Variants in SLC5A10 observed in about 807,000 individuals in gnomAD.
The protein encoded by SLC5A10 is solute carrier family 5 member 10.
SLC5A10 carries 55 observed loss-of-function variants against 68.9 expected under a neutral mutation model. The observed-to-expected ratio is 0.80, with a 90% CI of 0.64 to 1.00. The LOEUF is 1.00. SLC5A10 is among the 50% of genes least tolerant of loss of function. The probability of loss-of-function intolerance (pLI) is 0.00; values close to 1 mark genes in which losing one functional copy is unlikely to be tolerated. For synonymous variants in SLC5A10, 344 were observed against 344.8 expected, an observed-to-expected ratio of 1.00 and a Z score of 0.02; for missense variants, 732 against 819.3, an observed-to-expected ratio of 0.89 and a Z score of 1.30.
Position 18,978,504 on chromosome 17 carries a change from G to A in SLC5A10, c.982+1515G>A, listed in dbSNP as rs2043043388. 5 of 1,613,170 alleles carry A rather than the reference G, an allele frequency of 3.1e-6. 1 individual carries two copies. In the East Asian group the frequency reaches 8.9e-5, roughly 29 times the overall value. On this transcript the variant is annotated intron_variant, in intron 9 of 14. Transcript: ENST00000395645. ...TGGATGGGTGGCAGCAGCTCGGGGAGTTCCCCTGGATGCTCAGCCAGCGCT... is the reference window on the plus strand; with the variant it reads ...TGGATGGGTGGCAGCAGCTCGGGGAATTCCCCTGGATGCTCAGCCAGCGCT...
chr17:18,982,550 ATAAG>A (rs1438798915), intron 9 of SLC5A10, among the ~76,000 whole-genome samples: 1 of 152,202 alleles, frequency 6.6e-6, no homozygotes, highest in East Asian at 1.9e-4. Flanking sequence ...CAGTTTCCTC[ATAAG>A]TAAGAGAGGA....
At chr17:18,958,826 C>T (rs1404327799) in intron 2 of SLC5A10, 73 bp downstream of exon 2, 35 of 1,542,550 alleles carry the variant, frequency 2.3e-5, no homozygotes, top group Non-Finnish European at 2.8e-5. Flanking sequence ...GGTCACCTGG[C>T]ATCTGTATCT....
intron 9 of SLC5A10, among the ~76,000 whole-genome samples, chr17:19,006,095 T>C (rs1256494613): frequency 6.6e-6 from 1 of 152,190 alleles, no homozygotes; most frequent in East Asian, 1.9e-4. Flanking sequence ...CCAACACTTC[T>C]GCAGTTGATG....
Position 19,003,858 on chromosome 17 carries a change from G to A in SLC5A10, c.983-9552G>A. On this transcript the variant is annotated intron_variant, in intron 9 of 14. Transcript: ENST00000395645. This position sits in a 1 kb window ranked among gnomAD's most constrained non-coding sequence, Gnocchi z 4.5. Reference sequence around the variant, plus strand: ...GTCTCCAGGATGCGCTTGAGCTCCAGCTCCGAGAGGAAGTCTCGGATGTTC... The same window carrying A: ...GTCTCCAGGATGCGCTTGAGCTCCAACTCCGAGAGGAAGTCTCGGATGTTC... 6.2e-7 allele frequency: 1 copy of A among 1,613,072 alleles called. No homozygotes were observed. Among genetic ancestry groups the A allele is most frequent in the Non-Finnish European group, 8.5e-7 (1 of 1,179,936 alleles).
At chr17:18,992,266 G>C (rs1490418553) in intron 9 of SLC5A10, among the ~76,000 whole-genome samples, 1 of 152,132 alleles carries the variant, frequency 6.6e-6, no homozygotes, top group Admixed American at 6.5e-5. Flanking sequence ...CTGTGTCCTT[G>C]GGACAGGGGG....
chr17:19,016,860 C>A (rs1032496970), intron 11 of SLC5A10, among the ~76,000 whole-genome samples: 1 of 152,194 alleles, frequency 6.6e-6, no homozygotes, highest in Non-Finnish European at 1.5e-5. Flanking sequence ...CTCTAAGCCC[C>A]TCCATGCTCC....
At chr17:18,958,819 C>A in intron 2 of SLC5A10, 66 bp downstream of exon 2, 1 of 1,557,322 alleles carries the variant, frequency 6.4e-7, no homozygotes, top group South Asian at 1.1e-5. Context: ...ATCTCTAGGT[C>A]ACCTGGCATC....
chr17:18,964,099 C>T (rs1055234012), intron 5 of SLC5A10, among the ~76,000 whole-genome samples: 52 of 152,342 alleles, frequency 3.4e-4, no homozygotes, highest in African/African-American at 1.1e-3. Context: ...TCCACTCTCT[C>T]CATCTTCACC....
Position 18,952,380 on chromosome 17 carries a change from C to T in SLC5A10, c.111+64C>T, listed in dbSNP as rs1013772030. The T allele has an allele frequency of 8.3e-5, 128 of 1,545,258 alleles. No homozygotes were observed. The Middle Eastern group carries it at 1.3e-3, about 16-fold the overall frequency. ...CAGGGTTGGTGCTTGGGGTGGGAACCGGGGTCCAGCATGTCCCTGTGGTGT... is the reference window on the plus strand; with the variant it reads ...CAGGGTTGGTGCTTGGGGTGGGAACTGGGGTCCAGCATGTCCCTGTGGTGT... On this transcript the variant is annotated intron_variant, in intron 1 of 14. Coordinates refer to ENST00000395645, the MANE Select transcript of SLC5A10 (RefSeq NM_001042450.4).
In SLC5A10 at chr17:19,003,530, T is replaced by C. The variant is rs751796720; in HGVS notation, c.983-9880T>C. ...CCCGCGCTGCCTCACCTTCTGTGCCTGGCTGATCATCTTCCGCACCACCTC... is the reference window on the plus strand; with the variant it reads ...CCCGCGCTGCCTCACCTTCTGTGCCCGGCTGATCATCTTCCGCACCACCTC... On this transcript the variant is annotated intron_variant, in intron 9 of 14. Transcript: ENST00000395645. This position sits in a 1 kb window ranked among gnomAD's most constrained non-coding sequence, Gnocchi z 4.5. 6.5e-7 allele frequency: 1 copy of C among 1,537,154 alleles called. No individual in the cohort carries two copies. The highest frequency in any genetic ancestry group is 8.8e-7 in the Non-Finnish European group (1 of 1,141,080).
chr17:19,017,553 A>G lies in SLC5A10; in HGVS notation c.1242-1870A>G, dbSNP rs1597917033. 2 of 674,278 alleles carry G rather than the reference A, an allele frequency of 3.0e-6. No homozygotes were observed. The highest frequency in any genetic ancestry group is 5.0e-6 in the Non-Finnish European group (2 of 399,462). The allele number at this position is 674,278 out of a possible 1,614,324, so 41.8% of individuals were successfully genotyped here. ...CTCTGTCCAGCTGAGCAGAGGCTGG[A>G]GGAGCCGTCACAGGCTGGGGGAGAG... is the stretch of plus-strand genomic sequence containing the variant. On this transcript the variant is annotated intron_variant, in intron 11 of 14. Transcript: ENST00000395645. This position sits in a 1 kb window ranked among gnomAD's most constrained non-coding sequence, Gnocchi z 5.6.
chr17:18,973,822 C>G (rs1419514298), intron 8 of SLC5A10, among the ~76,000 whole-genome samples: 1 of 149,994 alleles, frequency 6.7e-6, no homozygotes, highest in Non-Finnish European at 1.5e-5. Context: ...CTCAGCCACC[C>G]AGGTAGCTGG....
chr17:18,978,930 G>C, intron 9 of SLC5A10: 1 of 1,514,932 alleles, frequency 6.6e-7, no homozygotes, highest in Non-Finnish European at 9.0e-7. Flanking sequence ...ATAGCCGCTG[G>C]GCCTCAGACT....
At chr17:18,960,783 G>A (rs920603065) in intron 5 of SLC5A10, 131 bp downstream of exon 5, 8 of 916,728 alleles carry the variant, frequency 8.7e-6, no homozygotes, top group African/African-American at 8.2e-5. Context: ...GGCCCAGAGA[G>A]GGGCAATGAC....
At chr17:18,999,920 C>T (rs558266016) in intron 9 of SLC5A10, among the ~76,000 whole-genome samples, 1 of 152,346 alleles carries the variant, frequency 6.6e-6, no homozygotes, top group South Asian at 2.1e-4. Context: ...AGGGATCCTG[C>T]TAAGGCCCCC....
Position 19,015,071 on chromosome 17 carries a change from A to C in SLC5A10, c.1113A>C (p.Ala371=), listed in dbSNP as rs2044106498. 6.2e-7 allele frequency: 1 copy of C among 1,613,920 alleles called. No homozygotes were observed. Among genetic ancestry groups the C allele is most frequent in the African/African-American group, 1.3e-5 (1 of 75,038 alleles). Residue 371 remains alanine (A), a synonymous_variant, in exon 11 of 15, where the codon GCA becomes GCC. Transcript: ENST00000395645. The part of the protein sequence containing the change: ...MPIGLRGLMI[A]VMLAALMSSL... ...CAGGTCTGCGGGGGCTGATGATCGCAGTGATGCTGGCGGCGCTCATGTCGT... is the reference window on the plus strand; with the variant it reads ...CAGGTCTGCGGGGGCTGATGATCGCCGTGATGCTGGCGGCGCTCATGTCGT...
At chr17:18,960,232 T>C (rs1284043583) in intron 4 of SLC5A10, among the ~76,000 whole-genome samples, 2 of 152,160 alleles carry the variant, frequency 1.3e-5, no homozygotes, top group Non-Finnish European at 2.9e-5. Flanking sequence ...CCTGGATTTG[T>C]CATAACAGCC....
intron 6 of SLC5A10, 70 bp downstream of exon 6, chr17:18,969,227 C>G: frequency 5.7e-6 from 9 of 1,581,596 alleles, no homozygotes; most frequent in Non-Finnish European, 7.8e-6. Flanking sequence ...CCTCCCCCTA[C>G]AGGCCCGAGG....
chr17:19,003,901 G>T lies in SLC5A10; in HGVS notation c.983-9509G>T. Reference sequence around the variant, plus strand: ...GGATGTTCTCCCGCTTGAGCACCTCGTAGAAGGCGTCCCGGCCGCGGGCCA... The same window carrying T: ...GGATGTTCTCCCGCTTGAGCACCTCTTAGAAGGCGTCCCGGCCGCGGGCCA... On this transcript the variant is annotated intron_variant, in intron 9 of 14. Coordinates refer to ENST00000395645, the MANE Select transcript of SLC5A10 (RefSeq NM_001042450.4). This position sits in a 1 kb window ranked among gnomAD's most constrained non-coding sequence, Gnocchi z 4.5. The T allele has an allele frequency of 6.2e-7, 1 of 1,612,980 alleles. No individual in the cohort carries two copies. The highest frequency in any genetic ancestry group is 8.5e-7 in the Non-Finnish European group (1 of 1,179,924).
Sources: allele counts gnomAD v4.1 joint callset (sites outside exome capture counted in the v4.1 genomes callset), GRCh38; gene constraint gnomAD v4.1.1; non-coding constraint Gnocchi (gnomAD v3.1); transcripts MANE v1.5; gene names NCBI Gene and HGNC (gene_info 2026-07-23, HGNC 2026-07-21).